GTF2IRD2B: variants seen among roughly 807,000 people sequenced by gnomAD.
GTF2IRD2B encodes general transcription factor II-I repeat domain-containing protein 2B.
A neutral mutation model predicts 55.6 loss-of-function variants in GTF2IRD2B; 10 were observed. That is an observed-to-expected ratio of 0.18 (90% CI 0.11 to 0.31). GTF2IRD2B has a LOEUF of 0.31. Ranked by LOEUF, GTF2IRD2B falls within the 10% of genes least tolerant of loss-of-function variation. The pLI is 1.00. For synonymous variants in GTF2IRD2B, 107 were observed against 320.5 expected (o/e 0.33, Z 7.12); for missense variants, 206 against 802.7 (o/e 0.26, Z 8.98).
At chr7:75,093,683 CCTT>C (rs1807340254) in intron 1 of GTF2IRD2B, among the ~76,000 whole-genome samples, 1 of 152,120 alleles carries the variant, frequency 6.6e-6, no homozygotes, top group Non-Finnish European at 1.5e-5. Context: ...TGGCTTCTTT[CCTT>C]CTTTATGGCT....
intron 3 of GTF2IRD2B, among the ~76,000 whole-genome samples, chr7:75,113,816 G>GTGTGTGTGTGTA (rs1808047776): frequency 6.6e-5 from 9 of 136,106 alleles, no homozygotes; most frequent in African/African-American, 2.5e-4. Context: ...GTGTGTGTGT[G>GTGTGTGTGTGTA]TATGTACAGA....
In GTF2IRD2B at chr7:75,113,779, A is replaced by AGG. The variant is rs1207204899; in HGVS notation, c.238+1246_238+1247dup. On this transcript the variant is annotated intron_variant, in intron 3 of 15. Coordinates refer to ENST00000472837, the MANE Select transcript of GTF2IRD2B (RefSeq NM_001003795.3). ...TCAGAAAGGTTCGTCAGAGGGTATA[A>AGG]GGGTGTGTGTGTGTGTGTGTGTGTG... Among the ~76,000 whole-genome samples, 27 of 58,680 alleles carry AGG rather than the reference A, an allele frequency of 4.6e-4. 1 individual carries two copies. The highest frequency in any genetic ancestry group is 2.3e-3 in the East Asian group (5 of 2,156). 38.5% of individuals were successfully genotyped at this position (58,680 alleles called of 152,430 possible). A position where few individuals can be genotyped will look rare whatever the true frequency, so the allele number is the denominator to read the frequency against.
Position 75,148,261 on chromosome 7 carries a change from A to G in GTF2IRD2B, c.1814A>G (p.Lys605Arg). The G allele has an allele frequency of 6.2e-7, 1 of 1,613,776 alleles. No individual in the cohort carries two copies. The highest frequency in any genetic ancestry group is 8.5e-7 in the Non-Finnish European group (1 of 1,179,852). Residue 605 changes from lysine to arginine, a missense_variant, in exon 16 of 16, where the codon AAG (lysine) becomes AGG (arginine). Physicochemically the swap from Lys to Arg is conservative, Grantham distance 26 (BLOSUM62 2). Transcript: ENST00000472837. The part of the protein sequence containing the change: ...IFLRVEKSLK[K>R]FCINWSRLVS... ...TTGCGTGTTGAGAAGAGCCTGAAAA[A>G]GTTCTGTATCAACTGGTCGAGATTA... is the stretch of plus-strand genomic sequence containing the variant.
chr7:75,119,191 C>CAAAAAAAAAAAAAAAAAAAAAAA (rs71229657), intron 3 of GTF2IRD2B, among the ~76,000 whole-genome samples: 1 of 5,130 alleles, frequency 1.9e-4, no homozygotes, highest in Non-Finnish European at 2.6e-4. Flanking sequence ...AAGACTCTCT[C>CAAAAAAAAAAAAAAAAAAAAAAA]AAAAAAAAAA....
intron 2 of GTF2IRD2B, among the ~76,000 whole-genome samples, chr7:75,112,139 A>G (rs1256429608): frequency 2.9e-4 from 7 of 24,034 alleles, no homozygotes; most frequent in African/African-American, 6.1e-4. Context: ...GCGTGGTTGC[A>G]GGCGCCTGTA....
chr7:75,105,511 A>C (rs1265476087), intron 1 of GTF2IRD2B, among the ~76,000 whole-genome samples: 2 of 152,280 alleles, frequency 1.3e-5, no homozygotes. Flanking sequence ...CTCAAAAAAC[A>C]AACAAACAGA....
intron 3 of GTF2IRD2B, among the ~76,000 whole-genome samples, chr7:75,117,716 C>A (rs1223511999): frequency 1.3e-5 from 2 of 152,290 alleles, no homozygotes; most frequent in African/African-American, 4.8e-5. Flanking sequence ...CATGGCAAGA[C>A]CCTGTCTCTA....
intron 1 of GTF2IRD2B, among the ~76,000 whole-genome samples, chr7:75,093,367 G>A (rs1300416622): frequency 2.6e-5 from 4 of 151,762 alleles, no homozygotes; most frequent in Non-Finnish European, 5.9e-5. Flanking sequence ...GGCTCGCAAG[G>A]CTGTATTCTC....
chr7:75,115,937 A>T (rs1462238818), intron 3 of GTF2IRD2B, among the ~76,000 whole-genome samples: 31 of 79,170 alleles, frequency 3.9e-4, no homozygotes, highest in Middle Eastern at 8.8e-3. Context: ...TTTTTTTTTG[A>T]GAGACAGAGT....
intron 9 of GTF2IRD2B, among the ~76,000 whole-genome samples, chr7:75,134,233 CA>C (rs1230044475): frequency 8.2e-6 from 1 of 121,604 alleles, no homozygotes; most frequent in Non-Finnish European, 1.6e-5. Flanking sequence ...ACAAAAAATA[CA>C]AAAAGTAGCC....
At chr7:75,119,903 C>T (rs1554536766) in intron 3 of GTF2IRD2B, among the ~76,000 whole-genome samples, 5 of 120,234 alleles carry the variant, frequency 4.2e-5, no homozygotes, top group East Asian at 2.1e-4. Context: ...CCGAGGCAGG[C>T]GGATCACGAG....
At chr7:75,102,909 A>G (rs587706399) in intron 1 of GTF2IRD2B, among the ~76,000 whole-genome samples, 9 of 151,874 alleles carry the variant, frequency 5.9e-5, no homozygotes, top group Admixed American at 3.9e-4. Flanking sequence ...CAGTGAGCCA[A>G]GATCATGCCA....
At chr7:75,105,889 C>T (rs1466853665) in intron 1 of GTF2IRD2B, among the ~76,000 whole-genome samples, 1 of 152,426 alleles carries the variant, frequency 6.6e-6, no homozygotes, top group Admixed American at 6.5e-5. Context: ...GATCTGGAAC[C>T]CAGGCTGCTG....
In GTF2IRD2B at chr7:75,148,355, G is replaced by T. The variant is rs1809220181; in HGVS notation, c.1908G>T (p.Lys636Asn). The T allele has an allele frequency of 2.5e-6, 4 of 1,612,818 alleles. No homozygotes were observed. Among genetic ancestry groups the T allele is most frequent in the Non-Finnish European group, 3.4e-6 (4 of 1,179,436 alleles). Residue 636 changes from lysine to asparagine, a missense_variant, in exon 16 of 16, where the codon AAG (lysine) becomes AAT (asparagine). Physicochemically the swap from Lys to Asn is moderately conservative, Grantham distance 94 (BLOSUM62 0). Coordinates refer to ENST00000472837, the MANE Select transcript of GTF2IRD2B (RefSeq NM_001003795.3). Reference sequence around the variant, plus strand: ...ATAACGGGCTTGTCACAAAACTGAAGTCCAGGGTGGCGACGTTCTGCAAGG... The same window carrying T: ...ATAACGGGCTTGTCACAAAACTGAATTCCAGGGTGGCGACGTTCTGCAAGG... Reference protein sequence around the residue: ...DANNGLVTKLKSRVATFCKGA... With the variant: ...DANNGLVTKLNSRVATFCKGA...
chr7:75,142,590 C>A lies in GTF2IRD2B; in HGVS notation c.1142C>A (p.Ala381Asp), dbSNP rs370642824. ...ATGCCCCCGGGGGTGGTATTCAAGG[C>A]CCCCGGCTATCTGGAAATCAGTTCC... is the stretch of plus-strand genomic sequence containing the variant. ...DGMPPGVVFK[A>D]PGYLEISSMR... is the part of the protein sequence containing the mutation. The change falls in exon 14 of 16, where the codon GCC becomes GAC. Residue 381 changes from alanine to aspartate, a missense_variant. Coordinates refer to ENST00000472837, the MANE Select transcript of GTF2IRD2B (RefSeq NM_001003795.3). 1 of 297,848 alleles carries A rather than the reference C, an allele frequency of 3.4e-6. No individual in the cohort carries two copies. Among genetic ancestry groups the A allele is most frequent in the South Asian group, 2.5e-5 (1 of 39,536 alleles). The allele number at this position is 297,848 out of a possible 1,614,324, so 18.5% of individuals were successfully genotyped here.
intron 1 of GTF2IRD2B, among the ~76,000 whole-genome samples, chr7:75,108,516 C>T (rs1807861360): frequency 2.3e-5 from 1 of 43,344 alleles, no homozygotes; most frequent in Non-Finnish European, 4.7e-5. Context: ...TCCCAGCACT[C>T]TGGGAGGCCA....
chr7:75,104,913 G>A (rs1415550247), intron 1 of GTF2IRD2B, among the ~76,000 whole-genome samples: 5 of 152,230 alleles, frequency 3.3e-5, no homozygotes, highest in Admixed American at 6.5e-5. Flanking sequence ...AAACAATACC[G>A]GCTGGGCGCG....
In GTF2IRD2B at chr7:75,107,473, G is replaced by T. The variant is rs1382635994; in HGVS notation, c.-5-1487G>T. On this transcript the variant is annotated intron_variant, in intron 1 of 15. Coordinates refer to ENST00000472837, the MANE Select transcript of GTF2IRD2B (RefSeq NM_001003795.3). ...GCCTGTAGTCCCAGCTACTCGGGAG[G>T]CTGAGGCAGGAGAATGGCGTGAACC... Among the ~76,000 whole-genome samples, 12 of 136,404 alleles carry T rather than the reference G, an allele frequency of 8.8e-5. No homozygotes were observed. In the South Asian group the frequency reaches 9.9e-4, roughly 11 times the overall value. 89.5% of individuals were successfully genotyped at this position (136,404 alleles called of 152,430 possible). A position where few individuals can be genotyped will look rare whatever the true frequency, so the allele number is the denominator to read the frequency against.
intron 1 of GTF2IRD2B, among the ~76,000 whole-genome samples, chr7:75,102,004 T>C (rs1554449587): frequency 1.3e-5 from 2 of 151,574 alleles, no homozygotes; most frequent in Non-Finnish European, 2.9e-5. Context: ...AATTTTTGTT[T>C]TGTTTTGTTT....
Sources: gnomAD v4.1 joint callset for allele counts (sites outside exome capture counted in the v4.1 genomes callset) on GRCh38, gnomAD v4.1.1 for gene constraint, MANE v1.5 for transcripts, NCBI Gene and HGNC (gene_info 2026-07-23, HGNC 2026-07-21) for gene names.